IMMP2L: variants seen among roughly 807,000 people sequenced by gnomAD.
IMMP2L encodes inner mitochondrial membrane peptidase subunit 2, also known as mitochondrial inner membrane protease subunit 2.
A neutral mutation model predicts 19.3 loss-of-function variants in IMMP2L; 18 were observed. The ratio of observed to expected loss-of-function variants is 0.93; its 90% CI spans 0.64 to 1.38. IMMP2L has a LOEUF of 1.38. Ranked by LOEUF, IMMP2L falls within the 40% of genes most tolerant of loss-of-function variation. IMMP2L has a pLI of 0.00. For missense variants in IMMP2L, 233 were observed against 218.2 expected (o/e 1.07, Z -0.43); for synonymous variants, 76 against 73.0 (o/e 1.04, Z -0.21).
intron 3 of IMMP2L, among the ~76,000 whole-genome samples, chr7:111,312,786 G>A (rs2130317560): frequency 6.6e-6 from 1 of 152,182 alleles, no homozygotes; most frequent in African/African-American, 2.4e-5. Flanking sequence ...AGTATGGTCA[G>A]ATAACCAATC....
chr7:110,690,896 C>T (rs1793448046), intron 5 of IMMP2L, among the ~76,000 whole-genome samples: 1 of 151,940 alleles, frequency 6.6e-6, no homozygotes, highest in Admixed American at 6.6e-5. Context: ...CCATACTGCC[C>T]AAAGCAATCT....
chr7:111,421,724 A>G (rs1389571830), intron 3 of IMMP2L, among the ~76,000 whole-genome samples: 1 of 151,666 alleles, frequency 6.6e-6, no homozygotes, highest in South Asian at 2.1e-4. Flanking sequence ...CTTTAGTTTA[A>G]TTAGATCCCA....
At chr7:110,808,581 A>C (rs2131258213) in intron 5 of IMMP2L, among the ~76,000 whole-genome samples, 1 of 152,206 alleles carries the variant, frequency 6.6e-6, no homozygotes, top group Admixed American at 6.5e-5. Context: ...CTTTGAAAAG[A>C]AGAACCGAAG....
At chr7:111,139,006 G>A (rs1802615029) in intron 3 of IMMP2L, among the ~76,000 whole-genome samples, 1 of 152,018 alleles carries the variant, frequency 6.6e-6, no homozygotes, top group African/African-American at 2.4e-5. Flanking sequence ...CAGTTGACAT[G>A]ATCTTTTAAA....
At chr7:111,021,710 C>T (rs1057003085) in intron 3 of IMMP2L, among the ~76,000 whole-genome samples, 2 of 152,166 alleles carry the variant, frequency 1.3e-5, no homozygotes, top group African/African-American at 4.8e-5. Context: ...TGGTGAAACA[C>T]CATCTCTACT....
At chr7:110,706,748 C>A (rs561511531) in intron 5 of IMMP2L, among the ~76,000 whole-genome samples, 18 of 152,122 alleles carry the variant, frequency 1.2e-4, no homozygotes, top group Admixed American at 3.9e-4. Flanking sequence ...AATATTAGAT[C>A]TTTGTCAGGT....
chr7:111,330,223 A>G (rs907862441), intron 3 of IMMP2L, among the ~76,000 whole-genome samples: 1 of 151,856 alleles, frequency 6.6e-6, no homozygotes, highest in Non-Finnish European at 1.5e-5. Flanking sequence ...AAGATGCCCA[A>G]GGAAAAACAG....
chr7:111,261,544 C>A (rs1817311548), intron 3 of IMMP2L, among the ~76,000 whole-genome samples: 2 of 152,062 alleles, frequency 1.3e-5, no homozygotes, highest in African/African-American at 4.8e-5. Context: ...TTGAACAGAA[C>A]TCAGGAAGGC....
intron 3 of IMMP2L, among the ~76,000 whole-genome samples, chr7:111,175,867 C>T (rs568148854): frequency 2.0e-5 from 3 of 151,746 alleles, no homozygotes; most frequent in Non-Finnish European, 4.4e-5. Context: ...AAAATATTTG[C>T]TAAGTGTCCA....
intron 4 of IMMP2L, among the ~76,000 whole-genome samples, chr7:110,899,780 G>C (rs1282506605): frequency 6.6e-6 from 1 of 152,194 alleles, no homozygotes; most frequent in Non-Finnish European, 1.5e-5. Flanking sequence ...TTATGGATCA[G>C]AGCACCTGTA....
At chr7:110,831,443 A>G (rs1803960736) in intron 5 of IMMP2L, among the ~76,000 whole-genome samples, 1 of 152,158 alleles carries the variant, frequency 6.6e-6, no homozygotes, top group Non-Finnish European at 1.5e-5. Flanking sequence ...TGATTACACA[A>G]TTTGGGAATG....
intron 3 of IMMP2L, among the ~76,000 whole-genome samples, chr7:111,258,792 C>T (rs909777336): frequency 2.0e-5 from 3 of 152,088 alleles, no homozygotes; most frequent in Non-Finnish European, 4.4e-5. Flanking sequence ...AGGTGTGAGC[C>T]ACCGTGCCTA....
At chr7:111,525,244 C>T (rs1457796455) in intron 1 of IMMP2L, among the ~76,000 whole-genome samples, 2 of 152,098 alleles carry the variant, frequency 1.3e-5, no homozygotes, top group African/African-American at 4.8e-5. Flanking sequence ...AGCCATGTCA[C>T]ATGCCAAAGT....
chr7:110,765,057 T>G (rs1798574268), intron 5 of IMMP2L, among the ~76,000 whole-genome samples: 1 of 152,170 alleles, frequency 6.6e-6, no homozygotes, highest in Non-Finnish European at 1.5e-5. Context: ...GACCTAGACA[T>G]TTTGCCGCTA....
chr7:111,204,712 A>T (rs1355720756), intron 3 of IMMP2L, among the ~76,000 whole-genome samples: 1 of 152,236 alleles, frequency 6.6e-6, no homozygotes, highest in Non-Finnish European at 1.5e-5. Flanking sequence ...TTTAATCTTT[A>T]CAAGAGCTTA....
intron 3 of IMMP2L, among the ~76,000 whole-genome samples, chr7:111,337,638 G>C (rs1826576597): frequency 6.6e-6 from 1 of 151,950 alleles, no homozygotes; most frequent in African/African-American, 2.4e-5. Context: ...AGTTACCCAA[G>C]GTAAACAGAG....
At chr7:111,364,634 C>CAA (rs112108805) in intron 3 of IMMP2L, among the ~76,000 whole-genome samples, 34 of 62,716 alleles carry the variant, frequency 5.4e-4, no homozygotes, top group African/African-American at 1.6e-3. Flanking sequence ...GACTCGGTCT[C>CAA]AAAAAAAAAA....
rs765821294 is a variant in IMMP2L, at chr7:111,487,325, C to T, written c.152G>A (p.Gly51Glu). ...CACCACATCAGATGACTGGCTCCCC[C>T]CAGGATTCAAAGAAGGCTAGAAAAT... ...GASMQPSLNP[G>E]GSQSSDVVLL... Residue 51 changes from glycine to glutamate, a missense_variant, in exon 3 of 6, where the codon GGG (glycine) becomes GAG (glutamate). Coordinates refer to ENST00000405709, the MANE Select transcript of IMMP2L (RefSeq NM_032549.4). 1 of 1,604,768 alleles carries T rather than the reference C, an allele frequency of 6.2e-7. No individual in the cohort carries two copies. Among genetic ancestry groups the T allele is most frequent in the Non-Finnish European group, 8.5e-7 (1 of 1,171,638 alleles).
intron 3 of IMMP2L, among the ~76,000 whole-genome samples, chr7:111,158,653 A>G (rs1804912593): frequency 6.6e-6 from 1 of 152,180 alleles, no homozygotes; most frequent in African/African-American, 2.4e-5. Context: ...AAACAGGTTA[A>G]GAAGTTATAT....
Sources: allele counts gnomAD v4.1 joint callset (sites outside exome capture counted in the v4.1 genomes callset), GRCh38; gene constraint gnomAD v4.1.1; transcripts MANE v1.5; gene names NCBI Gene and HGNC (gene_info 2026-07-23, HGNC 2026-07-21).